The following SEPTIN10 variants were observed in gnomAD, a reference collection of about 807,000 sequenced individuals.
SEPTIN10 encodes septin-10.
In SEPTIN10, 66 loss-of-function variants were observed where a neutral mutation model predicts 54.8. That is an observed-to-expected ratio of 1.21 (90% CI 0.99 to 1.48). The LOEUF is 1.48. Among genes scored for constraint, SEPTIN10 ranks in the 40% most tolerant of loss-of-function variants. The pLI is 0.00. For missense variants in SEPTIN10, 620 were observed against 545.6 expected (o/e 1.14, Z -1.36); for synonymous variants, 161 against 181.0 (o/e 0.89, Z 0.89).
rs1159245447 is a variant in SEPTIN10 at position 109,577,895 on chromosome 2, G to C, written c.414-3128C>G. Among the ~76,000 whole-genome samples, 4 of 122,416 alleles carry C rather than the reference G, an allele frequency of 3.3e-5. No homozygotes were observed. The South Asian group carries it at 1.1e-3, about 34-fold the overall frequency. 80.3% of individuals were successfully genotyped at this position (122,416 alleles called of 152,430 possible). ...ACCACTGCACTTAAGCCTGGGTGAC[G>C]AAGTGAGACTTTGTCTCAAAAAAAA... On this transcript the variant is annotated intron_variant, in intron 4 of 10. Transcript: ENST00000397712.
At position 109,543,117 on chromosome 2, in the gene SEPTIN10, C is replaced by T. The variant is rs1456826224; in HGVS notation, c.*1192G>A. 1 of 152,460 alleles carries T rather than the reference C, an allele frequency of 6.6e-6. No homozygotes were observed. Among genetic ancestry groups the T allele is most frequent in the African/African-American group, 2.4e-5 (1 of 41,396 alleles). 9.4% of individuals were successfully genotyped at this position (152,460 alleles called of 1,614,324 possible). A position where few individuals can be genotyped will look rare whatever the true frequency, so the allele number is the denominator to read the frequency against. On this transcript the variant is annotated 3_prime_UTR_variant, in exon 11 of 11. Coordinates refer to ENST00000397712, the MANE Select transcript of SEPTIN10 (RefSeq NM_144710.5). Reference sequence around the variant, plus strand: ...AATCATTAAAATGTTCTGAGAATACCAGTAAGGCACTGAATGCAAATACCA... The same window carrying T: ...AATCATTAAAATGTTCTGAGAATACTAGTAAGGCACTGAATGCAAATACCA...
chr2:109,545,616 T>C (rs922913300), intron 10 of SEPTIN10: 1 of 1,529,728 alleles, frequency 6.5e-7, no homozygotes, highest in African/African-American at 1.4e-5. Flanking sequence ...TAAGAATTAA[T>C]TCAATAAAAT....
intron 1 of SEPTIN10, 182 bp downstream of exon 1, chr2:109,613,616 A>T: frequency 3.0e-6 from 1 of 336,264 alleles, no homozygotes. Context: ...GGCTCCGCAG[A>T]GGCTCCTCTC....
Position 109,579,982 on chromosome 2 carries a change from G to A in SEPTIN10, c.413+5144C>T, listed in dbSNP as rs181458881. ...CTAAAAATACAAAAATTAGCTGGGC[G>A]TGGTGGCAGGCGCCTGTAATCCCAG... On this transcript the variant is annotated intron_variant, in intron 4 of 10. Coordinates refer to ENST00000397712, the MANE Select transcript of SEPTIN10 (RefSeq NM_144710.5). 7.1e-3 allele frequency among the ~76,000 whole-genome samples: 1,077 copies of A among 151,784 alleles called. 13 individuals carry two copies. The highest frequency in any genetic ancestry group is 0.024 in the African/African-American group (993 of 41,422).
intron 1 of SEPTIN10, chr2:109,605,750 T>G (rs1039125828): frequency 2.6e-5 from 4 of 152,220 alleles, no homozygotes; most frequent in African/African-American, 4.8e-5. Flanking sequence ...CAGAGTTACA[T>G]GGAAACTGTA....
At chr2:109,612,748 C>G in intron 1 of SEPTIN10, among the ~76,000 whole-genome samples, 1 of 152,082 alleles carries the variant, frequency 6.6e-6, no homozygotes, top group Non-Finnish European at 1.5e-5. Flanking sequence ...GCAACTGAGA[C>G]AAGGGGGTCC....
intron 2 of SEPTIN10, among the ~76,000 whole-genome samples, chr2:109,591,711 A>G (rs1305862076): frequency 1.3e-5 from 2 of 152,124 alleles, no homozygotes; most frequent in African/African-American, 4.8e-5. Context: ...AGCCTGGCCA[A>G]CACGAGCAAA....
intron 1 of SEPTIN10, among the ~76,000 whole-genome samples, chr2:109,610,891 C>T (rs963406256): frequency 1.3e-5 from 2 of 152,082 alleles, no homozygotes; most frequent in Admixed American, 6.5e-5. Context: ...CACAGAGAGG[C>T]ACAGAACTAG....
rs1260751809 is a variant in SEPTIN10 at position 109,542,974 on chromosome 2, T to G, written c.*1335A>C. ...AATGAGAGTTTTCAGAAAGGAAAATTAAACACATTTTAGTAAATATATGTT... is the reference window on the plus strand; with the variant it reads ...AATGAGAGTTTTCAGAAAGGAAAATGAAACACATTTTAGTAAATATATGTT... On this transcript the variant is annotated 3_prime_UTR_variant, in exon 11 of 11. Coordinates refer to ENST00000397712, the MANE Select transcript of SEPTIN10 (RefSeq NM_144710.5). The G allele has an allele frequency of 6.6e-6, 1 of 152,646 alleles. No individual in the cohort carries two copies. The highest frequency in any genetic ancestry group is 2.4e-5 in the African/African-American group (1 of 41,470). The allele number at this position is 152,646 out of a possible 1,614,324, so 9.5% of individuals were successfully genotyped here. A position where few individuals can be genotyped will look rare whatever the true frequency, so the allele number is the denominator to read the frequency against.
At chr2:109,574,891 C>A (rs190368911) in intron 4 of SEPTIN10, 124 bp from the exon 5 acceptor site, 12 of 560,078 alleles carry the variant, frequency 2.1e-5, no homozygotes, top group Middle Eastern at 5.0e-4. Flanking sequence ...CTATGCTGAA[C>A]AGATTAACTT....
Position 109,585,125 on chromosome 2 carries a change from C to G in SEPTIN10, c.413+1G>C. Reference sequence around the variant, plus strand: ...TTTTATTACAAGAAGAAAACACATACCTCTCTTCTTTATTTATTTGGTCAC... The same window carrying G: ...TTTTATTACAAGAAGAAAACACATAGCTCTCTTCTTTATTTATTTGGTCAC... On this transcript the variant is annotated splice_donor_variant, in intron 4 of 10. Coordinates refer to ENST00000397712, the MANE Select transcript of SEPTIN10 (RefSeq NM_144710.5). LOFTEE classifies it high-confidence loss of function. 6.5e-7 allele frequency: 1 copy of G among 1,550,282 alleles called. No individual in the cohort carries two copies. The highest frequency in any genetic ancestry group is 8.7e-7 in the Non-Finnish European group (1 of 1,146,188).
At chr2:109,563,469 A>G (rs1403653748) in intron 8 of SEPTIN10, among the ~76,000 whole-genome samples, 1 of 152,196 alleles carries the variant, frequency 6.6e-6, no homozygotes, top group East Asian at 1.9e-4. Flanking sequence ...GAGAGTTTAA[A>G]ATAGCACTTG....
At chr2:109,587,952 C>T (rs937711753) in intron 2 of SEPTIN10, among the ~76,000 whole-genome samples, 1 of 151,554 alleles carries the variant, frequency 6.6e-6, no homozygotes, top group Non-Finnish European at 1.5e-5. Flanking sequence ...AAAAATTACC[C>T]GGGCGTGGTG....
chr2:109,602,216 G>A (rs940147238), intron 1 of SEPTIN10, among the ~76,000 whole-genome samples: 12 of 152,106 alleles, frequency 7.9e-5, no homozygotes, highest in African/African-American at 2.9e-4. Context: ...ACTATAACTT[G>A]GAACAAGCAA....
At chr2:109,612,744 G>A (rs1178111495) in intron 1 of SEPTIN10, among the ~76,000 whole-genome samples, 1 of 152,128 alleles carries the variant, frequency 6.6e-6, no homozygotes, top group Non-Finnish European at 1.5e-5. Flanking sequence ...CACAGCAACT[G>A]AGACAAGGGG....
chr2:109,570,200 G>C (rs1688029663), intron 5 of SEPTIN10, among the ~76,000 whole-genome samples: 1 of 152,184 alleles, frequency 6.6e-6, no homozygotes, highest in Non-Finnish European at 1.5e-5. Flanking sequence ...TTTAGAATTT[G>C]TCTCTCATCA....
At chr2:109,554,015 G>C (rs1030674055) in intron 8 of SEPTIN10, among the ~76,000 whole-genome samples, 17 of 152,126 alleles carry the variant, frequency 1.1e-4, no homozygotes, top group Admixed American at 9.2e-4. Flanking sequence ...AGTTCGTATG[G>C]TATATTTCTG....
chr2:109,552,206 G>A (rs142818939), intron 9 of SEPTIN10, among the ~76,000 whole-genome samples: 31 of 152,266 alleles, frequency 2.0e-4, no homozygotes, highest in African/African-American at 6.5e-4. Flanking sequence ...CCCCTGGTCC[G>A]TGGAAAAACT....
At chr2:109,578,498 G>A (rs1173280723) in intron 4 of SEPTIN10, among the ~76,000 whole-genome samples, 1 of 151,260 alleles carries the variant, frequency 6.6e-6, no homozygotes, top group Non-Finnish European at 1.5e-5. Flanking sequence ...GGCATGGCAG[G>A]CTCATGCCTG....
Sources: allele counts gnomAD v4.1 joint callset (sites outside exome capture counted in the v4.1 genomes callset), GRCh38; gene constraint gnomAD v4.1.1; transcripts MANE v1.5; gene names NCBI Gene and HGNC (gene_info 2026-07-23, HGNC 2026-07-21).